Variants in MOB1A observed in about 807,000 individuals in gnomAD.
MOB1A encodes MOB1 Mps One Binder homolog A.
MOB1A carries 10 observed loss-of-function variants against 25.1 expected under a neutral mutation model. The observed-to-expected ratio is 0.40, with a 90% CI of 0.25 to 0.68. The LOEUF is 0.68. Among genes scored for constraint, MOB1A ranks in the 30% least tolerant of loss-of-function variants. The probability of loss-of-function intolerance (pLI) is 0.40; values close to 1 mark genes in which losing one functional copy is unlikely to be tolerated. For missense variants in MOB1A, 177 were observed against 256.3 expected (o/e 0.69, Z 2.11); for synonymous variants, 81 against 79.5 (o/e 1.02, Z -0.10).
chr2:74,168,702 C>T (rs187654297), intron 2 of MOB1A, among the ~76,000 whole-genome samples: 226 of 152,272 alleles, frequency 1.5e-3, no homozygotes, highest in African/African-American at 5.2e-3. Context: ...TAGGTATTTT[C>T]CAAGTTTCTT....
At chr2:74,159,818 T>TCC (rs59971449) in intron 4 of MOB1A, among the ~76,000 whole-genome samples, 2 of 98,640 alleles carry the variant, frequency 2.0e-5, no homozygotes, top group African/African-American at 3.9e-5. Context: ...TTGTTTTTTG[T>TCC]CCCCCCCCCC....
intron 2 of MOB1A, among the ~76,000 whole-genome samples, chr2:74,167,331 C>T (rs1572960942): frequency 6.6e-6 from 1 of 152,118 alleles, no homozygotes; most frequent in Non-Finnish European, 1.5e-5. Context: ...CTGCAACCTC[C>T]GCTTCCCGGG....
intron 1 of MOB1A, among the ~76,000 whole-genome samples, chr2:74,177,574 T>C (rs1693511060): frequency 6.6e-6 from 1 of 152,042 alleles, no homozygotes; most frequent in Non-Finnish European, 1.5e-5. Context: ...GAGACGCAGA[T>C]AAACATATTC....
At chr2:74,175,913 T>C (rs1332368619) in intron 1 of MOB1A, among the ~76,000 whole-genome samples, 1 of 152,108 alleles carries the variant, frequency 6.6e-6, no homozygotes, top group Non-Finnish European at 1.5e-5. Flanking sequence ...GGACTTTTAC[T>C]TTACCTGAGT....
Position 74,153,447 on chromosome 2 carries a change from A to G in MOB1A, c.*3121T>C, listed in dbSNP as rs763054559. 2 of 152,234 alleles carry G rather than the reference A, an allele frequency of 1.3e-5. No individual in the cohort carries two copies. Among genetic ancestry groups the G allele is most frequent in the Non-Finnish European group, 2.9e-5 (2 of 68,042 alleles). The allele number at this position is 152,234 out of a possible 1,614,324, so 9.4% of individuals were successfully genotyped here. A position where few individuals can be genotyped will look rare whatever the true frequency, so the allele number is the denominator to read the frequency against. ...AAACTTTACCTTTGTTACTAAAGTC[A>G]TGGTGAATACAGATTTTGCATTTCT... is the stretch of plus-strand genomic sequence containing the variant. On this transcript the variant is annotated 3_prime_UTR_variant, in exon 6 of 6. Transcript: ENST00000396049.
intron 4 of MOB1A, among the ~76,000 whole-genome samples, chr2:74,163,461 A>G (rs749715211): frequency 2.0e-5 from 3 of 151,960 alleles, no homozygotes; most frequent in Non-Finnish European, 4.4e-5. Context: ...ACATAATGAG[A>G]CCTCATCTCT....
At position 74,154,214 on chromosome 2, in the gene MOB1A, T is replaced by G. The variant is rs926761767; in HGVS notation, c.*2354A>C. 28 of 145,948 alleles carry G rather than the reference T, an allele frequency of 1.9e-4. No homozygotes were observed. The highest frequency in any genetic ancestry group is 7.3e-4 in the African/African-American group (28 of 38,112). 9.0% of individuals were successfully genotyped at this position (145,948 alleles called of 1,614,324 possible). A position where few individuals can be genotyped will look rare whatever the true frequency, so the allele number is the denominator to read the frequency against. On this transcript the variant is annotated 3_prime_UTR_variant, in exon 6 of 6. Transcript: ENST00000396049. Reference sequence around the variant, plus strand: ...TCTCAAAAAAAAAAAAAAAAAAGATTGATTTCGTCAAACTGTTATCAAAGG... The same window carrying G: ...TCTCAAAAAAAAAAAAAAAAAAGATGGATTTCGTCAAACTGTTATCAAAGG...
chr2:74,170,853 G>A (rs934823131), intron 2 of MOB1A, among the ~76,000 whole-genome samples: 1 of 151,760 alleles, frequency 6.6e-6, no homozygotes, highest in African/African-American at 2.4e-5. Flanking sequence ...TCATGTCACT[G>A]CACTCCAGCC....
In MOB1A at chr2:74,159,105, T is replaced by G; in HGVS notation, c.559A>C (p.Ile187Leu). Residue 187 changes from isoleucine (I) to leucine (L), a missense_variant, in exon 5 of 6, where the codon ATT (isoleucine) becomes CTT (leucine). Physicochemically the swap from Ile to Leu is conservative, Grantham distance 5 (BLOSUM62 2). Transcript: ENST00000396049. ...AHLNTSFKHF[I>L]FFVQEFNLID... ...GATCAACTTACCTGAACAAAGAAAA[T>G]AAAGTGCTTAAAGGAGGTGTTGAGG... The G allele has an allele frequency of 1.2e-6, 2 of 1,613,470 alleles. No homozygotes were observed. Among genetic ancestry groups the G allele is most frequent in the South Asian group, 1.1e-5 (1 of 91,058 alleles).
chr2:74,158,615 C>A (rs773600691), intron 5 of MOB1A, among the ~76,000 whole-genome samples: 8 of 151,900 alleles, frequency 5.3e-5, no homozygotes, highest in Non-Finnish European at 1.2e-4. Flanking sequence ...CCCGTCTCTA[C>A]TAAAAATACA....
At chr2:74,169,008 T>C (rs1693208695) in intron 2 of MOB1A, among the ~76,000 whole-genome samples, 1 of 152,218 alleles carries the variant, frequency 6.6e-6, no homozygotes, top group East Asian at 1.9e-4. Context: ...TTCCAGAGGC[T>C]CCATGATGTG....
chr2:74,173,323 G>A, intron 1 of MOB1A: 1 of 421,428 alleles, frequency 2.4e-6, no homozygotes, highest in South Asian at 1.7e-5. Context: ...TTCTTGATCT[G>A]ACACTAACTG....
At chr2:74,170,086 G>A (rs1693243617) in intron 2 of MOB1A, among the ~76,000 whole-genome samples, 1 of 152,124 alleles carries the variant, frequency 6.6e-6, no homozygotes, top group Non-Finnish European at 1.5e-5. Flanking sequence ...GTCAATAAAT[G>A]ACTTCAGAAT....
At chr2:74,169,159 G>A (rs565266129) in intron 2 of MOB1A, among the ~76,000 whole-genome samples, 25 of 152,106 alleles carry the variant, frequency 1.6e-4, no homozygotes, top group African/African-American at 2.2e-4. Flanking sequence ...GTCATTTTTC[G>A]TAAAAACATA....
At chr2:74,160,683 G>A (rs1324644163) in intron 4 of MOB1A, among the ~76,000 whole-genome samples, 4 of 151,456 alleles carry the variant, frequency 2.6e-5, no homozygotes, top group African/African-American at 9.7e-5. Flanking sequence ...CTGGGTGACA[G>A]AGCGAGACTC....
At chr2:74,163,945 G>GA (rs927950922) in intron 4 of MOB1A, 17 of 151,868 alleles carry the variant, frequency 1.1e-4, no homozygotes, top group Non-Finnish European at 2.1e-4. Context: ...AAGTTCTTTG[G>GA]AAAAACAAAT....
At chr2:74,177,013 A>G (rs912606332) in intron 1 of MOB1A, among the ~76,000 whole-genome samples, 1 of 152,168 alleles carries the variant, frequency 6.6e-6, no homozygotes, top group Admixed American at 6.6e-5. Flanking sequence ...TAATGGCCAA[A>G]AAGCGGGAAC....
intron 4 of MOB1A, 93 bp from the exon 5 acceptor site, chr2:74,159,347 A>G (rs1331879214): frequency 8.7e-7 from 1 of 1,153,258 alleles, no homozygotes; most frequent in Non-Finnish European, 1.3e-6. Context: ...TCACTCAGGC[A>G]GTGGTGCAAT....
At chr2:74,164,976 G>C (rs1461324261) in intron 4 of MOB1A, 1 of 223,804 alleles carries the variant, frequency 4.5e-6, no homozygotes, top group Non-Finnish European at 8.6e-6. Context: ...AGGAGAATTT[G>C]GCAGTCTCTA....
Sources: allele counts gnomAD v4.1 joint callset (sites outside exome capture counted in the v4.1 genomes callset), GRCh38; gene constraint gnomAD v4.1.1; transcripts MANE v1.5; gene names NCBI Gene and HGNC (gene_info 2026-07-23, HGNC 2026-07-21).